The following MIR2052HG variants were observed in gnomAD, a reference collection of about 807,000 sequenced individuals.
The protein encoded by MIR2052HG is MIR2052 host gene.
At chr8:74,687,271 TG>T in intron 2 of MIR2052HG, among the ~76,000 whole-genome samples, 1 of 152,246 alleles carries the variant, frequency 6.6e-6, no homozygotes, top group South Asian at 2.1e-4. Context: ...CTAGCAGTTA[TG>T]GAAAACAGTA....
intron 4 of MIR2052HG, among the ~76,000 whole-genome samples, chr8:74,746,215 T>G (rs957079142): frequency 6.6e-6 from 1 of 152,148 alleles, no homozygotes; most frequent in African/African-American, 2.4e-5. Flanking sequence ...TGCAAAAAAA[T>G]GAAACAGTTG....
intron 2 of MIR2052HG, among the ~76,000 whole-genome samples, chr8:74,679,906 A>G (rs1219572394): frequency 6.6e-6 from 1 of 152,168 alleles, no homozygotes; most frequent in African/African-American, 2.4e-5. Flanking sequence ...GAACAAGACA[A>G]AAGTATTCAC....
At chr8:74,654,827 T>A (rs1364264915) in intron 2 of MIR2052HG, among the ~76,000 whole-genome samples, 1 of 152,058 alleles carries the variant, frequency 6.6e-6, no homozygotes, top group Non-Finnish European at 1.5e-5. Context: ...GGGCAGAGGT[T>A]GAACAGTTTG....
intron 4 of MIR2052HG, among the ~76,000 whole-genome samples, chr8:74,725,443 T>C (rs2128754377): frequency 6.6e-6 from 1 of 152,358 alleles, no homozygotes; most frequent in East Asian, 1.9e-4. Flanking sequence ...TCCCATACTC[T>C]TTCCTTGCCA....
intron 4 of MIR2052HG, among the ~76,000 whole-genome samples, chr8:74,736,016 G>A (rs571071051): frequency 2.0e-5 from 3 of 152,234 alleles, no homozygotes; most frequent in Admixed American, 6.5e-5. Flanking sequence ...TTAAGTAATT[G>A]AAAGTATCCT....
At chr8:74,710,144 A>T (rs1204774637) in intron 4 of MIR2052HG, among the ~76,000 whole-genome samples, 2 of 152,134 alleles carry the variant, frequency 1.3e-5, no homozygotes, top group African/African-American at 4.8e-5. Flanking sequence ...TTCTTCCTGG[A>T]ATAAGCAGAT....
intron 4 of MIR2052HG, among the ~76,000 whole-genome samples, chr8:74,719,991 C>T (rs972692773): frequency 6.6e-6 from 1 of 151,462 alleles, no homozygotes; most frequent in Admixed American, 6.6e-5. Context: ...TGGGACTACA[C>T]GTGTGTGCTG....
At chr8:74,733,275 C>A (rs1563542238) in intron 4 of MIR2052HG, among the ~76,000 whole-genome samples, 1 of 151,926 alleles carries the variant, frequency 6.6e-6, no homozygotes, top group Non-Finnish European at 1.5e-5. Flanking sequence ...TGTTCCCCTT[C>A]CTGTGTCCAT....
At chr8:74,602,370 C>T (rs1284757905) in intron 1 of MIR2052HG, among the ~76,000 whole-genome samples, 1 of 152,206 alleles carries the variant, frequency 6.6e-6, no homozygotes, top group African/African-American at 2.4e-5. Context: ...AAGGAACCAT[C>T]AGTTCCAGAG....
intron 1 of MIR2052HG, among the ~76,000 whole-genome samples, chr8:74,600,833 C>T (rs1027400931): frequency 3.3e-5 from 5 of 152,052 alleles, no homozygotes; most frequent in Admixed American, 6.5e-5. Context: ...CTGAGCCTCC[C>T]AAAGTGCTGG....
At chr8:74,719,522 C>G (rs902283237) in intron 4 of MIR2052HG, among the ~76,000 whole-genome samples, 27 of 152,182 alleles carry the variant, frequency 1.8e-4, no homozygotes, top group African/African-American at 6.3e-4. Flanking sequence ...GACTTCTAGA[C>G]TTTTCCTTCT....
At chr8:74,676,641 T>C (rs1164479596) in intron 2 of MIR2052HG, among the ~76,000 whole-genome samples, 2 of 151,854 alleles carry the variant, frequency 1.3e-5, no homozygotes, top group Non-Finnish European at 2.9e-5. Context: ...GTAGTCACAA[T>C]AAATAAAAAC....
At chr8:74,754,103 T>C (rs558418545) in intron 5 of MIR2052HG, among the ~76,000 whole-genome samples, 57 of 152,322 alleles carry the variant, frequency 3.7e-4, no homozygotes, top group African/African-American at 1.3e-3. Context: ...ATGCGCTGCA[T>C]TTCCTCGTCT....
intron 2 of MIR2052HG, among the ~76,000 whole-genome samples, chr8:74,621,846 C>T (rs1160272096): frequency 6.6e-6 from 1 of 152,200 alleles, no homozygotes; most frequent in Non-Finnish European, 1.5e-5. Flanking sequence ...TATATACCCA[C>T]ATGCAGAAGA....
chr8:74,731,536 A>G (rs1809692635), intron 4 of MIR2052HG, among the ~76,000 whole-genome samples: 1 of 152,064 alleles, frequency 6.6e-6, no homozygotes. Context: ...TGGACCTATG[A>G]CCATTGATCC....
At chr8:74,754,429 A>C (rs1809978873) in intron 5 of MIR2052HG, among the ~76,000 whole-genome samples, 1 of 152,192 alleles carries the variant, frequency 6.6e-6, no homozygotes, top group Non-Finnish European at 1.5e-5. Context: ...TTTAATTGAA[A>C]TGTCTGATTT....
intron 4 of MIR2052HG, among the ~76,000 whole-genome samples, chr8:74,718,357 T>C (rs959109230): frequency 2.0e-5 from 3 of 152,068 alleles, no homozygotes; most frequent in African/African-American, 4.8e-5. Context: ...AGCCCAGGGC[T>C]CATATGGCAG....
chr8:74,715,134 A>C (rs1474146063), intron 4 of MIR2052HG, among the ~76,000 whole-genome samples: 1 of 152,228 alleles, frequency 6.6e-6, no homozygotes, highest in Non-Finnish European at 1.5e-5. Context: ...ACTATTAGTA[A>C]GGAAAGAATA....
intron 2 of MIR2052HG, among the ~76,000 whole-genome samples, chr8:74,645,751 C>T (rs1033393992): frequency 2.6e-5 from 4 of 152,152 alleles, no homozygotes; most frequent in South Asian, 2.1e-4. Flanking sequence ...ATTAATCAGA[C>T]CCATGTCTAC....
Sources: gnomAD v4.1 joint callset for allele counts (sites outside exome capture counted in the v4.1 genomes callset) on GRCh38, gnomAD v4.1.1 for gene constraint, MANE v1.5 for transcripts, NCBI Gene and HGNC (gene_info 2026-07-23, HGNC 2026-07-21) for gene names.